Variants in STRA8 observed in about 807,000 individuals in gnomAD.
STRA8 encodes stimulated by retinoic acid gene 8 protein homolog.
STRA8 carries 18 observed loss-of-function variants against 37.1 expected under a neutral mutation model. The ratio of observed to expected loss-of-function variants is 0.48; its 90% CI spans 0.34 to 0.72. The LOEUF is 0.72. Ranked by LOEUF, STRA8 falls within the 30% of genes least tolerant of loss-of-function variation. The probability of loss-of-function intolerance (pLI) is 0.01; values close to 1 mark genes in which losing one functional copy is unlikely to be tolerated. For missense variants in STRA8, 357 were observed against 410.4 expected (o/e 0.87, Z 1.13); for synonymous variants, 168 against 162.9 (o/e 1.03, Z -0.24).
chr7:135,242,515 A>G (rs1030916976), intron 2 of STRA8, among the ~76,000 whole-genome samples: 9 of 152,162 alleles, frequency 5.9e-5, no homozygotes, highest in African/African-American at 2.2e-4. Flanking sequence ...TTGCCTTTCT[A>G]CAGCACTAGC....
At chr7:135,253,898 C>A (rs527677890) in intron 7 of STRA8, among the ~76,000 whole-genome samples, 1 of 152,324 alleles carries the variant, frequency 6.6e-6, no homozygotes, top group Admixed American at 6.5e-5. Flanking sequence ...TCAAGGGGAG[C>A]CTGGCCTATG....
Position 135,239,287 on chromosome 7 carries a change from A to G in STRA8, c.-6-1232A>G, listed in dbSNP as rs536760033. 1.6e-4 allele frequency among the ~76,000 whole-genome samples: 24 copies of G among 152,324 alleles called. No homozygotes were observed. The South Asian group carries it at 4.8e-3, about 30-fold the overall frequency. On this transcript the variant is annotated intron_variant, in intron 1 of 8. Coordinates refer to ENST00000662584, the MANE Select transcript of STRA8 (RefSeq NM_001394401.1). ...GGTGGCTCTCAAAGTGTGAAAGTAT[A>G]GGAATCACCCTGGGAGCTGCACGCT...
At chr7:135,245,093 T>C (rs1303317106) in intron 4 of STRA8, among the ~76,000 whole-genome samples, 195 bp from the exon 5 acceptor site, 1 of 152,156 alleles carries the variant, frequency 6.6e-6, no homozygotes, top group Non-Finnish European at 1.5e-5. Flanking sequence ...ATATGGTGAA[T>C]TGCATTGATT....
chr7:135,237,784 C>T (rs1193948907), intron 1 of STRA8, among the ~76,000 whole-genome samples: 2 of 151,944 alleles, frequency 1.3e-5, no homozygotes, highest in Non-Finnish European at 2.9e-5. Context: ...CCCAGCTACT[C>T]AGGAGGCTGA....
At position 135,253,599 on chromosome 7, in the gene STRA8, C is replaced by T. The variant is rs188328114; in HGVS notation, c.954-1515C>T. Among the ~76,000 whole-genome samples the T allele has an allele frequency of 3.5e-3, 532 of 152,286 alleles. 3 individuals carry two copies. Among genetic ancestry groups the T allele is most frequent in the African/African-American group, 0.012 (493 of 41,550 alleles). On this transcript the variant is annotated intron_variant, in intron 7 of 8. Coordinates refer to ENST00000662584, the MANE Select transcript of STRA8 (RefSeq NM_001394401.1). ...ATGGAAGGAGGGGAGAAAAGGATAG[C>T]TGACCCCATGAAGTGGGAAGACACA... is the stretch of plus-strand genomic sequence containing the variant.
chr7:135,256,608 C>T (rs768977268), intron 8 of STRA8, among the ~76,000 whole-genome samples: 2 of 152,160 alleles, frequency 1.3e-5, no homozygotes, highest in African/African-American at 2.4e-5. Context: ...ATTTCAAGAC[C>T]AGTCTGGACA....
At chr7:135,236,439 G>T (rs1156629646) in intron 1 of STRA8, among the ~76,000 whole-genome samples, 1 of 152,056 alleles carries the variant, frequency 6.6e-6, no homozygotes, top group African/African-American at 2.4e-5. Context: ...TCCCATCTTT[G>T]ACTGTGTCTC....
intron 7 of STRA8, 46 bp downstream of exon 7, chr7:135,251,915 T>A (rs1172497564): frequency 6.4e-7 from 1 of 1,564,774 alleles, no homozygotes; most frequent in Non-Finnish European, 8.8e-7. Flanking sequence ...TGTGGGTGGA[T>A]GTGAGATTGT....
chr7:135,254,325 G>A (rs2129480041), intron 7 of STRA8, among the ~76,000 whole-genome samples: 1 of 152,328 alleles, frequency 6.6e-6, no homozygotes, highest in South Asian at 2.1e-4. Flanking sequence ...TGCTGCCAGA[G>A]GGTTCCTCAT....
At chr7:135,252,624 A>C (rs1832652932) in intron 7 of STRA8, among the ~76,000 whole-genome samples, 1 of 152,190 alleles carries the variant, frequency 6.6e-6, no homozygotes, top group Non-Finnish European at 1.5e-5. Context: ...GGGCTGGGAC[A>C]TACCAGGTTA....
At chr7:135,234,373 T>C (rs1280185765) in intron 1 of STRA8, among the ~76,000 whole-genome samples, 6 of 152,110 alleles carry the variant, frequency 3.9e-5, no homozygotes, top group Non-Finnish European at 8.8e-5. Context: ...CTTCCCAAAG[T>C]GTGGGATTAC....
chr7:135,251,858 A>C lies in STRA8; in HGVS notation c.942A>C (p.Thr314=), dbSNP rs759532413. The part of the protein sequence containing the change: ...SFLDKSEVPS[T]SSSSSVLASC... The stretch of plus-strand genomic sequence containing the variant: ...TGGACAAAAGTGAGGTTCCGAGTAC[A>C]TCTAGCTCCAGGTGAGGAAGAGGGT... The change falls in exon 7 of 9, where the codon ACA becomes ACC. Residue 314 remains threonine, a synonymous_variant. Coordinates refer to ENST00000662584, the MANE Select transcript of STRA8 (RefSeq NM_001394401.1). 1.9e-6 allele frequency: 3 copies of C among 1,614,154 alleles called. No individual in the cohort carries two copies. Among genetic ancestry groups the C allele is most frequent in the Non-Finnish European group, 2.5e-6 (3 of 1,180,024 alleles).
intron 8 of STRA8, among the ~76,000 whole-genome samples, chr7:135,256,443 T>C (rs188538105): frequency 6.5e-4 from 99 of 152,262 alleles, no homozygotes; most frequent in Admixed American, 5.3e-3. Flanking sequence ...AAAAGGACAA[T>C]CTTTGCCTCC....
intron 8 of STRA8, among the ~76,000 whole-genome samples, chr7:135,257,274 G>A (rs1832715601): frequency 6.6e-6 from 1 of 152,182 alleles, no homozygotes; most frequent in African/African-American, 2.4e-5. Flanking sequence ...CTGCAGGGCT[G>A]ACAAGTTACA....
At chr7:135,244,535 T>C (rs979248068) in intron 4 of STRA8, among the ~76,000 whole-genome samples, 1 of 152,254 alleles carries the variant, frequency 6.6e-6, no homozygotes, top group African/African-American at 2.4e-5. Flanking sequence ...CTGTTTTTAA[T>C]AGATTGAGCT....
At chr7:135,254,141 C>A (rs149376381) in intron 7 of STRA8, among the ~76,000 whole-genome samples, 180 of 152,304 alleles carry the variant, frequency 1.2e-3, no homozygotes, top group African/African-American at 4.2e-3. Flanking sequence ...CATTTTGCTG[C>A]AATTGGCTGG....
intron 1 of STRA8, among the ~76,000 whole-genome samples, chr7:135,238,284 C>G (rs191916139): frequency 2.1e-4 from 32 of 152,324 alleles, no homozygotes; most frequent in Non-Finnish European, 4.0e-4. Context: ...CTCCAGGCAG[C>G]TTGGCCAGCA....
intron 8 of STRA8, among the ~76,000 whole-genome samples, chr7:135,255,696 G>A (rs1832695203): frequency 6.6e-6 from 1 of 152,190 alleles, no homozygotes; most frequent in South Asian, 2.1e-4. Flanking sequence ...TGAGGTGGAA[G>A]AGTTTCATCC....
chr7:135,233,947 G>T (rs1832329042), intron 1 of STRA8, among the ~76,000 whole-genome samples, 44 bp downstream of exon 1: 1 of 152,162 alleles, frequency 6.6e-6, no homozygotes. Flanking sequence ...GTGCCCTTGG[G>T]CATATGAGTG....
Sources: gnomAD v4.1 joint callset for allele counts (sites outside exome capture counted in the v4.1 genomes callset) on GRCh38, gnomAD v4.1.1 for gene constraint, MANE v1.5 for transcripts, NCBI Gene and HGNC (gene_info 2026-07-23, HGNC 2026-07-21) for gene names.